AFG2A: variants seen among roughly 807,000 people sequenced by gnomAD.
AFG2A encodes AAA ATPase AFG2A.
the AFG2A span, among the ~76,000 whole-genome samples, chr4:122,956,042 A>T: frequency 6.6e-6 from 1 of 152,190 alleles, no homozygotes; most frequent in African/African-American, 2.4e-5. Flanking sequence ...AGCATGCCTT[A>T]CTAGAGACTT....
the AFG2A span, among the ~76,000 whole-genome samples, chr4:123,195,325 A>T: frequency 6.6e-6 from 1 of 152,244 alleles, no homozygotes; most frequent in African/African-American, 2.4e-5. Flanking sequence ...GATAAAATAT[A>T]TACCAAAATG....
the AFG2A span, among the ~76,000 whole-genome samples, chr4:123,021,145 G>A: frequency 5.3e-5 from 8 of 151,576 alleles, no homozygotes; most frequent in African/African-American, 1.9e-4. Context: ...TTTCTTTTTT[G>A]TATCATCCAT....
chr4:122,947,360 G>A, the AFG2A span: 16 of 1,614,064 alleles, frequency 9.9e-6, no homozygotes, highest in African/African-American at 1.3e-5. Context: ...GCTCAGGACC[G>A]GCTAGATATT....
the AFG2A span, among the ~76,000 whole-genome samples, chr4:123,043,269 A>G: frequency 2.6e-5 from 4 of 152,128 alleles, no homozygotes; most frequent in African/African-American, 9.7e-5. Flanking sequence ...TTATATTCTC[A>G]TTTCTCTTAA....
the AFG2A span, among the ~76,000 whole-genome samples, chr4:123,108,188 C>T: frequency 1.3e-5 from 2 of 152,094 alleles, no homozygotes; most frequent in Non-Finnish European, 2.9e-5. Flanking sequence ...TCCCAAGTTT[C>T]GGGTCAGAAA....
chr4:123,159,008 T>A, the AFG2A span, among the ~76,000 whole-genome samples: 1 of 152,220 alleles, frequency 6.6e-6, no homozygotes, highest in Non-Finnish European at 1.5e-5. Context: ...AACCTTCTTA[T>A]TTTCAGATGA....
At chr4:123,217,999 C>T in the AFG2A span, among the ~76,000 whole-genome samples, 2 of 152,136 alleles carry the variant, frequency 1.3e-5, no homozygotes, top group Admixed American at 6.5e-5. Flanking sequence ...GTCTGTGTGT[C>T]AGGGGCCTGC....
At chr4:123,269,745 T>A in the AFG2A span, among the ~76,000 whole-genome samples, 2 of 124,962 alleles carry the variant, frequency 1.6e-5, no homozygotes, top group Non-Finnish European at 3.5e-5. Context: ...TTGTAATACA[T>A]CCTTCGTCCC....
At chr4:123,067,346 A>G in the AFG2A span, among the ~76,000 whole-genome samples, 1 of 151,904 alleles carries the variant, frequency 6.6e-6, no homozygotes. Flanking sequence ...GCGAAACCCC[A>G]TCTCTACTAA....
At chr4:122,968,178 A>G in the AFG2A span, among the ~76,000 whole-genome samples, 1 of 152,264 alleles carries the variant, frequency 6.6e-6, no homozygotes, top group Admixed American at 6.5e-5. Flanking sequence ...GCAGTTTATA[A>G]TTTCTAAAAC....
At chr4:122,960,168 C>T in the AFG2A span, among the ~76,000 whole-genome samples, 1 of 152,190 alleles carries the variant, frequency 6.6e-6, no homozygotes, top group Non-Finnish European at 1.5e-5. Context: ...GACTCTAACA[C>T]ATCCTGACAT....
At chr4:123,256,107 A>G in the AFG2A span, 5 of 1,613,870 alleles carry the variant, frequency 3.1e-6, no homozygotes, top group Non-Finnish European at 4.2e-6. Context: ...CTGCAGTTTC[A>G]CTCCATGCCT....
the AFG2A span, among the ~76,000 whole-genome samples, chr4:123,223,541 G>A: frequency 6.6e-6 from 1 of 152,170 alleles, no homozygotes; most frequent in Non-Finnish European, 1.5e-5. Flanking sequence ...AAGGCAAAGG[G>A]GAAGCAGGCA....
the AFG2A span, among the ~76,000 whole-genome samples, chr4:123,155,626 A>AAAATAGT: frequency 2.0e-5 from 3 of 151,808 alleles, no homozygotes; most frequent in Non-Finnish European, 2.9e-5. Flanking sequence ...TTGTTAAAAA[A>AAAATAGT]ATAACTATCT....
the AFG2A span, among the ~76,000 whole-genome samples, chr4:123,057,045 C>A: frequency 2.6e-4 from 40 of 152,164 alleles, no homozygotes. Flanking sequence ...ACTTTTACAT[C>A]CATTATAAAG....
the AFG2A span, among the ~76,000 whole-genome samples, chr4:123,188,337 G>A: frequency 1.3e-5 from 2 of 151,880 alleles, no homozygotes; most frequent in African/African-American, 4.8e-5. Flanking sequence ...ACATCTAAAT[G>A]TCATAAAACC....
At chr4:122,959,928 C>T in the AFG2A span, among the ~76,000 whole-genome samples, 1 of 152,090 alleles carries the variant, frequency 6.6e-6, no homozygotes, top group Non-Finnish European at 1.5e-5. Flanking sequence ...GCTTTCAACC[C>T]TTAGATCTCA....
At chr4:123,167,869 G>A in the AFG2A span, among the ~76,000 whole-genome samples, 11 of 152,116 alleles carry the variant, frequency 7.2e-5, no homozygotes, top group South Asian at 2.1e-4. Flanking sequence ...AGCTGATTGA[G>A]CATTTTAATT....
At chr4:123,158,562 G>A in the AFG2A span, among the ~76,000 whole-genome samples, 1 of 152,138 alleles carries the variant, frequency 6.6e-6, no homozygotes, top group Non-Finnish European at 1.5e-5. Flanking sequence ...AAGTTCAGGT[G>A]TGGTAATATC....
Sources: gnomAD v4.1 joint callset for allele counts (sites outside exome capture counted in the v4.1 genomes callset) on GRCh38, gnomAD v4.1.1 for gene constraint, MANE v1.5 for transcripts, NCBI Gene and HGNC (gene_info 2026-07-23, HGNC 2026-07-21) for gene names.